Variants in GRXCR1 observed in about 807,000 individuals in gnomAD.
GRXCR1 encodes the protein glutaredoxin and cysteine rich domain containing 1.
Under a neutral mutation model 27.3 loss-of-function variants are expected in GRXCR1, and 27 were observed. That is an observed-to-expected ratio of 0.99 (90% CI 0.73 to 1.37). The LOEUF (loss-of-function observed/expected upper bound fraction) is 1.37. Ranked by LOEUF, GRXCR1 falls within the 40% of genes most tolerant of loss-of-function variation. The pLI, the probability that GRXCR1 is intolerant of heterozygous loss-of-function variation, is 0.00. For missense variants in GRXCR1, 379 were observed against 354.4 expected, an observed-to-expected ratio of 1.07 and a Z score of -0.56; for synonymous variants, 122 against 131.1, an observed-to-expected ratio of 0.93 and a Z score of 0.47.
At chr4:42,901,437 C>T (rs142731243) in intron 1 of GRXCR1, among the ~76,000 whole-genome samples, 21 of 152,268 alleles carry the variant, frequency 1.4e-4, no homozygotes, top group Admixed American at 3.3e-4. Flanking sequence ...AGGCTGTCCA[C>T]ATTCCTTGGC....
At position 42,912,417 on chromosome 4, in the gene GRXCR1, C is replaced by T. The variant is rs142568977; in HGVS notation, c.384+18767C>T. Among the ~76,000 whole-genome samples the T allele has an allele frequency of 2.1e-3, 327 of 152,200 alleles. 1 individual carries two copies. Among genetic ancestry groups the T allele is most frequent in the African/African-American group, 5.8e-3 (239 of 41,550 alleles). On this transcript the variant is annotated intron_variant, in intron 1 of 3. Transcript: ENST00000399770. The stretch of plus-strand genomic sequence containing the variant: ...TGCTTTCAATACATTTGGAAATGTT[C>T]AAAGAAGTATGTGAACTTGAACCCT...
At chr4:42,944,909 G>C (rs1202700230) in intron 1 of GRXCR1, among the ~76,000 whole-genome samples, 1 of 152,136 alleles carries the variant, frequency 6.6e-6, no homozygotes, top group Admixed American at 6.6e-5. Flanking sequence ...AATCTTGGTT[G>C]TATCAGTCAG....
chr4:43,018,046 G>A (rs1375634447), intron 2 of GRXCR1, among the ~76,000 whole-genome samples: 2 of 152,178 alleles, frequency 1.3e-5, no homozygotes, highest in Admixed American at 1.3e-4. Flanking sequence ...TATTGCTGCT[G>A]CTGCAGTTAG....
intron 2 of GRXCR1, among the ~76,000 whole-genome samples, chr4:42,974,176 G>A (rs900575072): frequency 1.3e-5 from 2 of 152,046 alleles, no homozygotes; most frequent in Admixed American, 1.3e-4. Flanking sequence ...TTCTGGGCTG[G>A]GGTTTTTAAG....
intron 2 of GRXCR1, among the ~76,000 whole-genome samples, chr4:42,978,307 A>T (rs1361651893): frequency 1.3e-5 from 2 of 152,082 alleles, no homozygotes; most frequent in Non-Finnish European, 2.9e-5. Context: ...TTGTCATTCC[A>T]TATGAATTTT....
intron 1 of GRXCR1, among the ~76,000 whole-genome samples, chr4:42,920,628 T>C (rs1746987087): frequency 6.6e-6 from 1 of 152,166 alleles, no homozygotes; most frequent in Non-Finnish European, 1.5e-5. Flanking sequence ...TGGGTCCTTT[T>C]ATCTTATCAA....
chr4:42,938,550 G>C (rs1255383048), intron 1 of GRXCR1, among the ~76,000 whole-genome samples: 1 of 151,904 alleles, frequency 6.6e-6, no homozygotes, highest in Non-Finnish European at 1.5e-5. Context: ...GGTTCCCTCT[G>C]CTTTGTGGTA....
At chr4:42,922,095 G>C (rs1747025406) in intron 1 of GRXCR1, among the ~76,000 whole-genome samples, 1 of 152,100 alleles carries the variant, frequency 6.6e-6, no homozygotes, top group Non-Finnish European at 1.5e-5. Context: ...AGAAGTTATA[G>C]ATCAAGGTAA....
At chr4:42,977,852 T>C (rs1748560369) in intron 2 of GRXCR1, among the ~76,000 whole-genome samples, 1 of 152,034 alleles carries the variant, frequency 6.6e-6, no homozygotes. Context: ...GCCTGTGCTT[T>C]CGGAGTCATA....
chr4:42,955,654 GA>G (rs1747984617), intron 1 of GRXCR1, among the ~76,000 whole-genome samples: 2 of 152,260 alleles, frequency 1.3e-5, no homozygotes, highest in South Asian at 4.1e-4. Context: ...AGGAATTGAT[GA>G]ATATAAAGTT....
At chr4:43,027,560 C>T (rs1382864443) in intron 3 of GRXCR1, among the ~76,000 whole-genome samples, 2 of 152,156 alleles carry the variant, frequency 1.3e-5, no homozygotes, top group African/African-American at 4.8e-5. Flanking sequence ...TTTGTGTGCT[C>T]AGAGCCTGGT....
At chr4:42,979,653 CATA>C (rs1748603650) in intron 2 of GRXCR1, among the ~76,000 whole-genome samples, 1 of 151,846 alleles carries the variant, frequency 6.6e-6, no homozygotes, top group Non-Finnish European at 1.5e-5. Context: ...TTGATATCAG[CATA>C]ATACTTGCCT....
In GRXCR1 at chr4:43,005,072, C is replaced by T. The variant is rs570439123; in HGVS notation, c.628-15282C>T. 3.3e-5 allele frequency among the ~76,000 whole-genome samples: 5 copies of T among 152,240 alleles called. No homozygotes were observed. In the South Asian group the frequency reaches 1.0e-3, roughly 32 times the overall value. On this transcript the variant is annotated intron_variant, in intron 2 of 3. Coordinates refer to ENST00000399770, the MANE Select transcript of GRXCR1 (RefSeq NM_001080476.3). ...CAATTGGATCATGGGGGCAGTTTGC[C>T]TCATGCTGTTCTCATGATAGTGAGT...
At chr4:42,922,168 T>C (rs767967853) in intron 1 of GRXCR1, among the ~76,000 whole-genome samples, 1 of 152,178 alleles carries the variant, frequency 6.6e-6, no homozygotes, top group Admixed American at 6.5e-5. Context: ...TATAATGATT[T>C]GCACAGTCAA....
intron 1 of GRXCR1, among the ~76,000 whole-genome samples, chr4:42,948,261 G>A (rs1379482366): frequency 2.0e-5 from 3 of 149,464 alleles, no homozygotes; most frequent in South Asian, 4.2e-4. Flanking sequence ...TACCTGAAAG[G>A]AAAGCATATT....
chr4:42,919,808 A>G (rs1378499211), intron 1 of GRXCR1, among the ~76,000 whole-genome samples: 1 of 152,164 alleles, frequency 6.6e-6, no homozygotes, highest in Non-Finnish European at 1.5e-5. Context: ...TTTGATTTCT[A>G]GAAATGTAAA....
chr4:42,970,673 A>AT (rs1313552113), intron 2 of GRXCR1, among the ~76,000 whole-genome samples: 1 of 151,878 alleles, frequency 6.6e-6, no homozygotes, highest in Non-Finnish European at 1.5e-5. Flanking sequence ...CCATGAAATT[A>AT]TTTTTTCCTC....
At chr4:42,967,163 T>C (rs1169920470) in intron 2 of GRXCR1, among the ~76,000 whole-genome samples, 1 of 152,120 alleles carries the variant, frequency 6.6e-6, no homozygotes, top group Non-Finnish European at 1.5e-5. Context: ...AGTTATCTTC[T>C]AGGAGTGTTA....
At chr4:42,926,497 T>C (rs1747161601) in intron 1 of GRXCR1, among the ~76,000 whole-genome samples, 1 of 152,086 alleles carries the variant, frequency 6.6e-6, no homozygotes, top group Admixed American at 6.6e-5. Context: ...GAATACTGTT[T>C]TTTTTTTCCA....
Sources: allele counts gnomAD v4.1 joint callset (sites outside exome capture counted in the v4.1 genomes callset), GRCh38; gene constraint gnomAD v4.1.1; transcripts MANE v1.5; gene names NCBI Gene and HGNC (gene_info 2026-07-23, HGNC 2026-07-21).